Variants in VRK1 observed in about 807,000 individuals in gnomAD.
VRK1 encodes VRK serine/threonine kinase 1.
In VRK1, 33 loss-of-function variants were observed where a neutral mutation model predicts 57.1. That is an observed-to-expected ratio of 0.58 (90% confidence interval 0.44 to 0.77). The LOEUF (loss-of-function observed/expected upper bound fraction) is 0.77, where lower values mean the gene tolerates loss of function less well. VRK1 is among the 30% of genes least tolerant of loss of function. The pLI is 0.00. For missense variants in VRK1, 413 were observed against 477.3 expected, an observed-to-expected ratio of 0.87 and a Z score of 1.25; for synonymous variants, 137 against 147.8, an observed-to-expected ratio of 0.93 and a Z score of 0.53.
chr14:96,808,425 A>G (rs1365737169), intron 1 of VRK1, among the ~76,000 whole-genome samples: 1 of 152,170 alleles, frequency 6.6e-6, no homozygotes, highest in Non-Finnish European at 1.5e-5. Context: ...GTGTAACAAA[A>G]AGGTGCAGAA....
intron 11 of VRK1, 148 bp from the exon 12 acceptor site, chr14:96,875,882 A>G (rs1889007855): frequency 4.9e-6 from 4 of 813,410 alleles, no homozygotes; most frequent in South Asian, 1.5e-5. Flanking sequence ...GGTAACTACT[A>G]TCCTGAAGTT....
intron 1 of VRK1, among the ~76,000 whole-genome samples, chr14:96,802,873 T>C (rs978188850): frequency 2.2e-4 from 34 of 152,366 alleles, no homozygotes; most frequent in Non-Finnish European, 7.3e-5. Context: ...GTAAAGCTGC[T>C]ATGAACATTA....
intron 9 of VRK1, 96 bp downstream of exon 9, chr14:96,856,346 T>C (rs1245965750): frequency 1.4e-6 from 2 of 1,471,188 alleles, no homozygotes; most frequent in African/African-American, 1.4e-5. Flanking sequence ...CAACTGATAC[T>C]GATATAGAAA....
At chr14:96,848,696 C>T (rs1887813737) in intron 5 of VRK1, among the ~76,000 whole-genome samples, 1 of 152,124 alleles carries the variant, frequency 6.6e-6, no homozygotes, top group African/African-American at 2.4e-5. Flanking sequence ...GCTAGACTGC[C>T]TAGTTTTAAA....
At chr14:96,799,350 A>G (rs1204459003) in intron 1 of VRK1, among the ~76,000 whole-genome samples, 1 of 152,152 alleles carries the variant, frequency 6.6e-6, no homozygotes, top group East Asian at 1.9e-4. Flanking sequence ...TTTGAGAACT[A>G]ATGTGAAATA....
intron 7 of VRK1, among the ~76,000 whole-genome samples, chr14:96,854,245 T>G (rs1888062687): frequency 6.6e-6 from 1 of 152,174 alleles, no homozygotes; most frequent in Admixed American, 6.5e-5. Context: ...ACAATAAGGG[T>G]TCCATTAATT....
chr14:96,858,291 A>G (rs931568594), intron 10 of VRK1, among the ~76,000 whole-genome samples: 1 of 152,064 alleles, frequency 6.6e-6, no homozygotes, highest in African/African-American at 2.4e-5. Context: ...ATGTGGTCTC[A>G]CTATATTGCC....
intron 11 of VRK1, 176 bp downstream of exon 11, chr14:96,860,911 A>G: frequency 3.7e-6 from 2 of 546,338 alleles, no homozygotes; most frequent in South Asian, 6.5e-5. Flanking sequence ...ATAAATATTT[A>G]TATATTTCTT....
Position 96,833,636 on chromosome 14 carries a change from G to C in VRK1, c.160+5G>C. 1 of 1,613,510 alleles carries C rather than the reference G, an allele frequency of 6.2e-7. No individual in the cohort carries two copies. The highest frequency in any genetic ancestry group is 8.5e-7 in the Non-Finnish European group (1 of 1,179,552). On this transcript the variant is annotated splice_donor_5th_base_variant and intron_variant, in intron 2 of 12. Coordinates refer to ENST00000216639, the MANE Select transcript of VRK1 (RefSeq NM_003384.3). ...GCTTTGGCTGTATATATCTTGGTAA[G>C]TGTGTGACTGCTTCTAATGATCAAT...
At chr14:96,847,150 G>T in intron 4 of VRK1, 107 bp from the exon 5 acceptor site, 3 of 815,752 alleles carry the variant, frequency 3.7e-6, no homozygotes, top group South Asian at 1.5e-5. Context: ...ATGAATACAG[G>T]TGAATTCTTA....
At position 96,833,565 on chromosome 14, in the gene VRK1, A is replaced by G. The variant is rs1449164633; in HGVS notation, c.94A>G (p.Met32Val). The G allele has an allele frequency of 1.2e-6, 2 of 1,613,862 alleles. No individual in the cohort carries two copies. The highest frequency in any genetic ancestry group is 1.7e-6 in the Non-Finnish European group (2 of 1,179,802). ...QFAVGEIITD[M>V]AKKEWKVGLP... ...TGCAGTTGGAGAGATAATAACTGAC[A>G]TGGCAAAAAAGGAATGGAAAGTAGG... Residue 32 changes from methionine to valine, a missense_variant, in exon 2 of 13, where the codon ATG becomes GTG. Around this residue, in one of 3 missense-constraint regions of VRK1, gnomAD observed 116 missense variants for 113.6 expected, o/e 1.02. Transcript: ENST00000216639.
chr14:96,825,445 GA>G (rs1460811574), intron 1 of VRK1, among the ~76,000 whole-genome samples: 1 of 152,178 alleles, frequency 6.6e-6, no homozygotes, highest in Non-Finnish European at 1.5e-5. Context: ...GGTAGTTGGG[GA>G]AAAATACTAA....
intron 2 of VRK1, among the ~76,000 whole-genome samples, chr14:96,834,160 C>A (rs542700931): frequency 1.3e-5 from 2 of 152,182 alleles, no homozygotes; most frequent in South Asian, 2.1e-4. Flanking sequence ...GTTGTGGAAT[C>A]CTGAAATTAT....
chr14:96,798,119 G>A (rs1466934300), intron 1 of VRK1, among the ~76,000 whole-genome samples: 1 of 152,196 alleles, frequency 6.6e-6, no homozygotes, highest in African/African-American at 2.4e-5. Flanking sequence ...CCGTGATCCT[G>A]TACTTGAGGG....
At chr14:96,844,039 GA>G (rs2139774571) in intron 3 of VRK1, among the ~76,000 whole-genome samples, 1 of 152,280 alleles carries the variant, frequency 6.6e-6, no homozygotes, top group East Asian at 1.9e-4. Flanking sequence ...TTTGTCTTAG[GA>G]AAACCTCTTT....
intron 7 of VRK1, among the ~76,000 whole-genome samples, 165 bp downstream of exon 7, chr14:96,853,331 T>C (rs1252076715): frequency 2.6e-5 from 4 of 152,192 alleles, no homozygotes; most frequent in African/African-American, 9.6e-5. Flanking sequence ...ACATTTTTGA[T>C]GTGATTTGTT....
intron 1 of VRK1, among the ~76,000 whole-genome samples, chr14:96,818,956 A>C (rs28483910): frequency 6.6e-6 from 1 of 152,214 alleles, no homozygotes; most frequent in Non-Finnish European, 1.5e-5. Flanking sequence ...ATTTCTTAGC[A>C]CTAATCAAAT....
In VRK1 at chr14:96,879,877, A is replaced by G. The variant is rs114705217; in HGVS notation, c.1160-1300A>G. On this transcript the variant is annotated intron_variant, in intron 12 of 12. Transcript: ENST00000216639. ...CCAGGAGGCGGAGGTTGCCTGAGCC[A>G]AGATCGTGTCACTGCACTCTAGCCT... Among the ~76,000 whole-genome samples the G allele has an allele frequency of 8.4e-3, 1,270 of 152,044 alleles. 16 individuals carry two copies. The highest frequency in any genetic ancestry group is 0.029 in the African/African-American group (1,194 of 41,482).
chr14:96,830,933 C>T (rs2139742485), intron 1 of VRK1, among the ~76,000 whole-genome samples: 1 of 152,324 alleles, frequency 6.6e-6, no homozygotes, highest in Non-Finnish European at 1.5e-5. Context: ...AGTTTCTCCT[C>T]AGCCTGAGGC....
Sources: gnomAD v4.1 joint callset for allele counts (sites outside exome capture counted in the v4.1 genomes callset) on GRCh38, gnomAD v4.1.1 for gene constraint, gnomAD v4.1.1 regional missense constraint, MANE v1.5 for transcripts, NCBI Gene and HGNC (gene_info 2026-07-23, HGNC 2026-07-21) for gene names.